Variants in ARRDC1 observed in about 807,000 individuals in gnomAD.
The protein encoded by ARRDC1 is arrestin domain-containing protein 1.
ARRDC1 carries 37 observed loss-of-function variants against 40.1 expected under a neutral mutation model. The observed-to-expected ratio is 0.92, with a 90% CI of 0.71 to 1.21. The LOEUF (loss-of-function observed/expected upper bound fraction) is 1.21, where lower values mean the gene tolerates loss of function less well. Ranked by LOEUF, ARRDC1 falls within the 50% of genes most tolerant of loss-of-function variation. The pLI, the probability that ARRDC1 is intolerant of heterozygous loss-of-function variation, is 0.00. For synonymous variants in ARRDC1, 310 were observed against 262.5 expected, an observed-to-expected ratio of 1.18 and a Z score of -1.75; for missense variants, 641 against 581.9, an observed-to-expected ratio of 1.10 and a Z score of -1.04.
At position 137,615,059 on chromosome 9, in the gene ARRDC1, G is replaced by A. The variant is rs1049044372; in HGVS notation, c.1238-15G>A. The A allele has an allele frequency of 5.0e-6, 8 of 1,607,532 alleles. No homozygotes were observed. The highest frequency in any genetic ancestry group is 1.7e-4 in the Middle Eastern group (1 of 6,032). On this transcript the variant is annotated splice_polypyrimidine_tract_variant and intron_variant, in intron 7 of 7. Transcript: ENST00000371421. ...ACGCCAAGAGCCCCACGCAGACCCT[G>A]CTTTCTTCCCGCAGAGGCCCCACCG...
At chr9:137,608,930 G>A (rs1019539412) in intron 1 of ARRDC1, among the ~76,000 whole-genome samples, 8 of 152,186 alleles carry the variant, frequency 5.3e-5, no homozygotes, top group African/African-American at 1.4e-4. Context: ...CATCTGCATG[G>A]GCGTTGGGAA....
At chr9:137,612,734 G>A (rs1842554616) in intron 1 of ARRDC1, 162 bp from the exon 2 acceptor site, 3 of 596,970 alleles carry the variant, frequency 5.0e-6, no homozygotes, top group African/African-American at 3.7e-5. Flanking sequence ...GACAGGAGAT[G>A]GGCAGATGTC....
In ARRDC1 at chr9:137,613,423, G is replaced by C. The variant is rs548839548; in HGVS notation, c.230-37G>C. On this transcript the variant is annotated intron_variant, in intron 2 of 7. Transcript: ENST00000371421. ...CTGTGGCCACCTCAGGCCACCTCAG[G>C]GGGGGACTGCCCCCCACCTCCCTCC... 31 of 1,602,422 alleles carry C rather than the reference G, an allele frequency of 1.9e-5. No homozygotes were observed. In the East Asian group the frequency reaches 5.8e-4, roughly 30 times the overall value.
In ARRDC1 at chr9:137,605,796, A is replaced by T; in HGVS notation, c.79A>T (p.Thr27Ser). Residue 27 changes from threonine (T) to serine (S), a missense_variant, in exon 1 of 8, where the codon ACC (threonine) becomes TCC (serine). Transcript: ENST00000371421. ...VYSPGEPLAGTVRVRLGAPLP... is the reference protein window; with the variant it reads ...VYSPGEPLAGSVRVRLGAPLP... ...CAGCCCCGGGGAGCCGTTGGCTGGGACCGTGCGCGTGCGCCTGGGGGCACC... is the reference window on the plus strand; with the variant it reads ...CAGCCCCGGGGAGCCGTTGGCTGGGTCCGTGCGCGTGCGCCTGGGGGCACC... 7.7e-7 allele frequency: 1 copy of T among 1,303,714 alleles called. No individual in the cohort carries two copies. The highest frequency in any genetic ancestry group is 9.7e-7 in the Non-Finnish European group (1 of 1,026,626). The allele number at this position is 1,303,714 out of a possible 1,614,324, so 80.8% of individuals were successfully genotyped here. A position where few individuals can be genotyped will look rare whatever the true frequency, so the allele number is the denominator to read the frequency against.
At position 137,615,008 on chromosome 9, in the gene ARRDC1, G is replaced by A. The variant is rs532705950; in HGVS notation, c.1237+8G>A. 9.9e-6 allele frequency: 16 copies of A among 1,612,768 alleles called. No homozygotes were observed. Among genetic ancestry groups the A allele is most frequent in the African/African-American group, 1.3e-5 (1 of 75,048 alleles). On this transcript the variant is annotated splice_region_variant and intron_variant, in intron 7 of 7. Transcript: ENST00000371421. ...CTTGGGGCTACCCCTATGGTGAGTC[G>A]ACAGCCAGGGCTTGGCAGGGAGGGG...
At chr9:137,606,800 G>C (rs1366615665) in intron 1 of ARRDC1, among the ~76,000 whole-genome samples, 1 of 152,264 alleles carries the variant, frequency 6.6e-6, no homozygotes, top group African/African-American at 2.4e-5. Context: ...GGCCGTGGCA[G>C]GGCAGAGATA....
chr9:137,615,249 C>T lies in ARRDC1; in HGVS notation c.*111C>T, dbSNP rs14357. On this transcript the variant is annotated 3_prime_UTR_variant, in exon 8 of 8. Coordinates refer to ENST00000371421, the MANE Select transcript of ARRDC1 (RefSeq NM_152285.4). ...CTGGCCCACTCAGGACCTGCCCAGC[C>T]TCTGCCAGCTCCTCTGGCATCCGCC... 0.011 allele frequency: 11,591 copies of T among 1,037,622 alleles called. 79 individuals are homozygous for T. The highest frequency in any genetic ancestry group is 0.025 in the Middle Eastern group (87 of 3,520). The allele number at this position is 1,037,622 out of a possible 1,614,324, so 64.3% of individuals were successfully genotyped here. A position where few individuals can be genotyped will look rare whatever the true frequency, so the allele number is the denominator to read the frequency against.
rs747593256 is a variant in ARRDC1, at chr9:137,614,704, A to T, written c.941A>T (p.Gln314Leu). ...CTGGTGGTGCCTTCCGCACCACCCC[A>T]GGAGGAGGCTGAGGCTGAGGCTGCG... ...PPLVVPSAPP[Q>L]EEAEAEAAAG... is the part of the protein sequence containing the mutation. Residue 314 changes from glutamine (Q) to leucine (L), a missense_variant, in exon 7 of 8, where the codon CAG becomes CTG. Coordinates refer to ENST00000371421, the MANE Select transcript of ARRDC1 (RefSeq NM_152285.4). The T allele has an allele frequency of 1.9e-6, 3 of 1,610,520 alleles. No homozygotes were observed. The highest frequency in any genetic ancestry group is 4.5e-5 in the East Asian group (2 of 44,784).
intron 1 of ARRDC1, chr9:137,612,540 C>T (rs1433832040): frequency 1.8e-5 from 5 of 278,994 alleles, no homozygotes; most frequent in African/African-American, 4.6e-5. Context: ...TGGTGTGTCC[C>T]GAGTGTCTCC....
In ARRDC1 at chr9:137,614,916, T is replaced by C; in HGVS notation, c.1153T>C (p.Phe385Leu). ...CISTGATVPY[F>L]AEGSGGPVPT... Reference sequence around the variant, plus strand: ...TTCAACAGGTGCCACTGTCCCCTACTTTGCAGAGGGCTCCGGGGGGCCAGT... The same window carrying C: ...TTCAACAGGTGCCACTGTCCCCTACCTTGCAGAGGGCTCCGGGGGGCCAGT... Residue 385 changes from phenylalanine (F) to leucine (L), a missense_variant, in exon 7 of 8, where the codon TTT becomes CTT. Physicochemically the swap from Phe to Leu is conservative, Grantham distance 22. Transcript: ENST00000371421. 6.2e-7 allele frequency: 1 copy of C among 1,613,884 alleles called. No homozygotes were observed. The highest frequency in any genetic ancestry group is 8.5e-7 in the Non-Finnish European group (1 of 1,179,990).
intron 1 of ARRDC1, among the ~76,000 whole-genome samples, chr9:137,608,131 C>T (rs1197044002): frequency 5.3e-5 from 8 of 152,220 alleles, no homozygotes; most frequent in African/African-American, 9.6e-5. Context: ...TACAGGCGCC[C>T]GCCACCACAC....
chr9:137,614,493 G>C lies in ARRDC1; in HGVS notation c.795+18G>C, dbSNP rs758409283. ...ACTTACAGGTTTGGTGCTGCTGGGG[G>C]CTGGGTGGTCTGAGGCCTAGTGGCC... On this transcript the variant is annotated intron_variant, in intron 6 of 7. Coordinates refer to ENST00000371421, the MANE Select transcript of ARRDC1 (RefSeq NM_152285.4). The C allele has an allele frequency of 1.2e-6, 2 of 1,613,144 alleles. No individual in the cohort carries two copies. The highest frequency in any genetic ancestry group is 3.3e-5 in the Admixed American group (2 of 60,026).
At chr9:137,610,277 G>C (rs1267060551) in intron 1 of ARRDC1, among the ~76,000 whole-genome samples, 1 of 152,212 alleles carries the variant, frequency 6.6e-6, no homozygotes, top group Admixed American at 6.6e-5. Context: ...AGTGAGGGCA[G>C]GGTTAATCTT....
Position 137,615,313 on chromosome 9 carries a change from T to A in ARRDC1, c.*175T>A, listed in dbSNP as rs1393780165. On this transcript the variant is annotated 3_prime_UTR_variant, in exon 8 of 8. Coordinates refer to ENST00000371421, the MANE Select transcript of ARRDC1 (RefSeq NM_152285.4). ...GGCTGGGGTGGGGGTGGCAGGGAGC[T>A]GGGACCTGGAGAGACAACTCCTGTA... 10 of 634,646 alleles carry A rather than the reference T, an allele frequency of 1.6e-5. No homozygotes were observed. The highest frequency in any genetic ancestry group is 2.6e-5 in the Non-Finnish European group (10 of 391,564). The allele number at this position is 634,646 out of a possible 1,614,324, so 39.3% of individuals were successfully genotyped here.
At chr9:137,605,949 C>G (rs1479866679) in intron 1 of ARRDC1, 114 bp downstream of exon 1, 1 of 556,040 alleles carries the variant, frequency 1.8e-6, no homozygotes, top group Non-Finnish European at 2.6e-6. Flanking sequence ...GCTGTCTTCG[C>G]CGCCCGGGAC....
intron 1 of ARRDC1, among the ~76,000 whole-genome samples, chr9:137,610,570 AT>A (rs71387852): frequency 5.2e-5 from 7 of 135,086 alleles, no homozygotes; most frequent in African/African-American, 8.7e-5. Flanking sequence ...TAATTTTTGT[AT>A]TTTTTTTTTG....
At chr9:137,606,501 C>T (rs1460472952) in intron 1 of ARRDC1, among the ~76,000 whole-genome samples, 3 of 152,236 alleles carry the variant, frequency 2.0e-5, no homozygotes, top group Non-Finnish European at 4.4e-5. Context: ...GTGCCACAGC[C>T]CCTGGACTTG....
intron 1 of ARRDC1, among the ~76,000 whole-genome samples, chr9:137,606,517 G>A (rs1223168749): frequency 6.6e-6 from 1 of 152,258 alleles, no homozygotes; most frequent in Non-Finnish European, 1.5e-5. Flanking sequence ...ACTTGCCGCT[G>A]GACCTTGACC....
Position 137,614,039 on chromosome 9 carries a change from A to C in ARRDC1, c.443A>C (p.Asn148Thr). 1.2e-6 allele frequency: 2 copies of C among 1,613,502 alleles called. No homozygotes were observed. Among genetic ancestry groups the C allele is most frequent in the Non-Finnish European group, 1.7e-6 (2 of 1,179,888 alleles). The change falls in exon 5 of 8, where the codon AAC (asparagine) becomes ACC (threonine). Residue 148 changes from asparagine to threonine, a missense_variant. Coordinates refer to ENST00000371421, the MANE Select transcript of ARRDC1 (RefSeq NM_152285.4). ...CCTGGCCCTCCCCCCAAGCAACCCAACGTGGCCTCTGCCACCAAGAAGTTC... is the reference window on the plus strand; with the variant it reads ...CCTGGCCCTCCCCCCAAGCAACCCACCGTGGCCTCTGCCACCAAGAAGTTC... The part of the protein sequence containing the change: ...LNSIPDIEQP[N>T]VASATKKFSY...
Sources: allele counts gnomAD v4.1 joint callset (sites outside exome capture counted in the v4.1 genomes callset), GRCh38; gene constraint gnomAD v4.1.1; transcripts MANE v1.5; gene names NCBI Gene and HGNC (gene_info 2026-07-23, HGNC 2026-07-21).